The following ZNF749 variants were observed in gnomAD, a reference collection of about 807,000 sequenced individuals.
ZNF749 encodes zinc finger protein 749.
A neutral mutation model predicts 7.3 loss-of-function variants in ZNF749; 8 were observed. The ratio of observed to expected loss-of-function variants is 1.10; its 90% CI spans 0.64 to 1.98. The LOEUF (loss-of-function observed/expected upper bound fraction) is 1.98. Ranked by LOEUF, ZNF749 falls within the 30% of genes most tolerant of loss-of-function variation. ZNF749 has a pLI of 0.00. For missense variants in ZNF749, 898 were observed against 932.4 expected (o/e 0.96, Z 0.48); for synonymous variants, 310 against 322.4 (o/e 0.96, Z 0.41).
rs1349522369 is a variant in ZNF749, at chr19:57,446,308, G to A, written c.*823G>A. 6.6e-6 allele frequency among the ~76,000 whole-genome samples: 1 copy of A among 152,066 alleles called. No homozygotes were observed. The highest frequency in any genetic ancestry group is 6.5e-5 in the Admixed American group (1 of 15,270). On this transcript the variant is annotated 3_prime_UTR_variant, in exon 3 of 3. Coordinates refer to ENST00000334181, the MANE Select transcript of ZNF749 (RefSeq NM_001023561.4). ...AACTAATACCTGATGATCTGAGGTG[G>A]GACAGTTTTATTCTGAAACTGTCTG...
rs567995055 is a variant in ZNF749, at chr19:57,436,755, T to C, written c.15+1162T>C. On this transcript the variant is annotated intron_variant, in intron 1 of 2. Transcript: ENST00000334181. The surrounding 1 kb of genome is among the most constrained non-coding windows in gnomAD (Gnocchi z 4.0). ...TTATATGGCAGGCTGACCTGTTTGC[T>C]GAACGGACCAGTAACTGATTGACTG... 1.3e-5 allele frequency among the ~76,000 whole-genome samples: 2 copies of C among 152,360 alleles called. No homozygotes were observed. Among genetic ancestry groups the C allele is most frequent in the African/African-American group, 4.8e-5 (2 of 41,594 alleles).
At chr19:57,443,065 C>T (rs1031941522) in intron 2 of ZNF749, among the ~76,000 whole-genome samples, 1 of 152,156 alleles carries the variant, frequency 6.6e-6, no homozygotes, top group South Asian at 2.1e-4. Flanking sequence ...ACCTGCCCTC[C>T]CTGCATGGTA....
At chr19:57,440,852 G>A (rs564595163) in intron 1 of ZNF749, among the ~76,000 whole-genome samples, 1 of 152,216 alleles carries the variant, frequency 6.6e-6, no homozygotes, top group African/African-American at 2.4e-5. Flanking sequence ...GGCCGGCCGG[G>A]CGCAGTGGCT....
rs1568547393 is a variant in ZNF749, at chr19:57,444,385, AGC to A, written c.1239_1240del (p.Ser413ArgfsTer7). Reference sequence around the variant, plus strand: ...TGCTGGCAAAAGGCTTTATAAGTGTAGCGAATGTGGGAAAGCCTTTAGCCTCA... The same window carrying A: ...TGCTGGCAAAAGGCTTTATAAGTGTAGAATGTGGGAAAGCCTTTAGCCTCA... Reference protein sequence around the residue: ...VHAGKRLYKCSECGKAFSLKH... With the variant: ...VHAGKRLYKCXECGKAFSLKH... On this transcript the variant is annotated frameshift_variant, in exon 3 of 3. Transcript: ENST00000334181. LOFTEE classifies it low-confidence loss of function (END_TRUNC). 1.2e-6 allele frequency: 2 copies of A among 1,614,146 alleles called. No homozygotes were observed. The highest frequency in any genetic ancestry group is 1.7e-6 in the Non-Finnish European group (2 of 1,179,960).
At chr19:57,437,885 C>T (rs1222332610) in intron 1 of ZNF749, 1 of 393,386 alleles carries the variant, frequency 2.5e-6, no homozygotes, top group Non-Finnish European at 4.5e-6. Flanking sequence ...AGTGGGAACC[C>T]TTTTAATCTC....
Position 57,444,997 on chromosome 19 carries a change from T to C in ZNF749, c.1849T>C (p.Cys617Arg). ...AGAAAAGCCTTATAAATGCAGCAAA[T>C]GTGGGAAATTCTTTAGATATCGCTG... is the stretch of plus-strand genomic sequence containing the variant. ...TGEKPYKCSK[C>R]GKFFRYRCTL... The change falls in exon 3 of 3, where the codon TGT (cysteine) becomes CGT (arginine). Residue 617 changes from cysteine (C) to arginine (R), a missense_variant. Cys to Arg is a radical substitution (Grantham distance 180, BLOSUM62 -3). Coordinates refer to ENST00000334181, the MANE Select transcript of ZNF749 (RefSeq NM_001023561.4). 4 of 1,614,196 alleles carry C rather than the reference T, an allele frequency of 2.5e-6. No individual in the cohort carries two copies. Among genetic ancestry groups the C allele is most frequent in the Non-Finnish European group, 3.4e-6 (4 of 1,180,032 alleles).
rs546700168 is a variant in ZNF749, at chr19:57,444,206, G to A, written c.1058G>A (p.Arg353His). 2.8e-5 allele frequency: 45 copies of A among 1,613,904 alleles called. No homozygotes were observed. The highest frequency in any genetic ancestry group is 2.4e-4 in the South Asian group (22 of 91,078). ...CAGAAAGTTCACACTGGGGAGAGGCGTTACGAGTGCAGTGAATGTGGGAAA... is the reference window on the plus strand; with the variant it reads ...CAGAAAGTTCACACTGGGGAGAGGCATTACGAGTGCAGTGAATGTGGGAAA... ...RHQKVHTGER[R>H]YECSECGKLF... The change falls in exon 3 of 3, where the codon CGT becomes CAT. Residue 353 changes from arginine (R) to histidine (H), a missense_variant. By Grantham distance (29) the Arg-to-His change is conservative. Coordinates refer to ENST00000334181, the MANE Select transcript of ZNF749 (RefSeq NM_001023561.4).
chr19:57,443,313 T>G lies in ZNF749; in HGVS notation c.165T>G (p.Asp55Glu), dbSNP rs1222750528. The G allele has an allele frequency of 1.9e-6, 3 of 1,607,794 alleles. No homozygotes were observed. Among genetic ancestry groups the G allele is most frequent in the Non-Finnish European group, 2.6e-6 (3 of 1,175,990 alleles). ...SSVGCWHGAKDEEVPSKQCVS... is the reference protein window; with the variant it reads ...SSVGCWHGAKEEEVPSKQCVS... ...CAGGTTGTTGGCATGGAGCCAAGGA[T>G]GAGGAGGTACCTTCCAAGCAGTGTG... The change falls in exon 3 of 3, where the codon GAT (aspartate) becomes GAG (glutamate). Residue 55 changes from aspartate (D) to glutamate (E), a missense_variant. Physicochemically the swap from Asp to Glu is conservative, Grantham distance 45. Transcript: ENST00000334181.
rs758799359 is a variant in ZNF749, at chr19:57,444,356, T to C, written c.1208T>C (p.Val403Ala). ...TCCACACTCAATATGCACCAGAGAG[T>C]TCATGCTGGCAAAAGGCTTTATAAG... Reference protein sequence around the residue: ...HRSTLNMHQRVHAGKRLYKCS... With the variant: ...HRSTLNMHQRAHAGKRLYKCS... The change falls in exon 3 of 3, where the codon GTT becomes GCT. Residue 403 changes from valine (V) to alanine (A), a missense_variant. Coordinates refer to ENST00000334181, the MANE Select transcript of ZNF749 (RefSeq NM_001023561.4). 14 of 1,614,046 alleles carry C rather than the reference T, an allele frequency of 8.7e-6. No individual in the cohort carries two copies. The South Asian group carries it at 1.4e-4, about 16-fold the overall frequency.
the ZNF749 span, among the ~76,000 whole-genome samples, chr19:57,429,025 C>CTT: frequency 3.3e-5 from 5 of 151,486 alleles, no homozygotes; most frequent in Non-Finnish European, 7.4e-5. The surrounding 1 kb of genome is among the most constrained non-coding windows in gnomAD (Gnocchi z 4.2). Context: ...TCAATGAATA[C>CTT]TTTTTTTTGT....
At chr19:57,438,176 A>G (rs1423051563) in intron 1 of ZNF749, 2 of 398,636 alleles carry the variant, frequency 5.0e-6, no homozygotes, top group Non-Finnish European at 8.8e-6. Context: ...ACTGTTTCTC[A>G]TGAAAGCAGG....
rs61747534 is a variant in ZNF749, at chr19:57,443,440, C to T, written c.292C>T (p.His98Tyr). 3.9e-4 allele frequency: 637 copies of T among 1,614,242 alleles called. 4 individuals are homozygous for T. The African/African-American group carries it at 7.2e-3, about 18-fold the overall frequency. The change falls in exon 3 of 3, where the codon CAC (histidine) becomes TAC (tyrosine). Residue 98 changes from histidine (H) to tyrosine (Y), a missense_variant. Transcript: ENST00000334181. ...MCSSILKDILHLAEHDGTHPE... is the reference protein window; with the variant it reads ...MCSSILKDILYLAEHDGTHPE... ...TAGCTCAATTCTGAAGGACATTCTG[C>T]ACCTGGCTGAGCACGATGGAACACA... is the stretch of plus-strand genomic sequence containing the variant.
chr19:57,444,591 G>C lies in ZNF749; in HGVS notation c.1443G>C (p.Arg481Ser). Residue 481 changes from arginine to serine, a missense_variant, in exon 3 of 3, where the codon AGG becomes AGC. Physicochemically the swap from Arg to Ser is moderately radical, Grantham distance 110. Coordinates refer to ENST00000334181, the MANE Select transcript of ZNF749 (RefSeq NM_001023561.4). ...IQHKRIDIRP[R>S]PYTCSECGKA... ...ACAAGAGGATTGACATTAGGCCAAG[G>C]CCTTATACATGCAGTGAATGTGGGA... The C allele has an allele frequency of 6.2e-7, 1 of 1,613,438 alleles. No individual in the cohort carries two copies. The highest frequency in any genetic ancestry group is 8.5e-7 in the Non-Finnish European group (1 of 1,179,840).
upstream of ZNF749, chr19:57,435,300 A>G (rs2088922554): frequency 3.4e-6 from 2 of 582,094 alleles, no homozygotes; most frequent in African/African-American, 1.9e-5. Flanking sequence ...GAGACGACTA[A>G]TGAGGTCTCA....
chr19:57,433,344 T>C (rs895124419), upstream of ZNF749, among the ~76,000 whole-genome samples: 9 of 152,170 alleles, frequency 5.9e-5, no homozygotes, highest in African/African-American at 1.9e-4. Flanking sequence ...CTAGACATAG[T>C]ATTCTGACTT....
intron 1 of ZNF749, among the ~76,000 whole-genome samples, chr19:57,437,668 G>A (rs993240442): frequency 6.7e-6 from 1 of 150,002 alleles, no homozygotes; most frequent in Admixed American, 6.7e-5. Context: ...AGGTTCCAGT[G>A]AGCTGAGATT....
Position 57,444,735 on chromosome 19 carries a change from T to C in ZNF749, c.1587T>C (p.His529=), listed in dbSNP as rs1342765915. The C allele has an allele frequency of 2.5e-6, 4 of 1,608,444 alleles. No homozygotes were observed. The highest frequency in any genetic ancestry group is 1.4e-5 in the African/African-American group (1 of 72,914). The stretch of plus-strand genomic sequence containing the variant: ...TTAGAAAGTCCCACCTAGTTCAGCA[T>C]GAGAAAATCCACACTGATGCATTTT... ...AFVRKSHLVQ[H]EKIHTDAFSK... is the part of the protein sequence containing the mutation. Residue 529 remains histidine, a synonymous_variant, in exon 3 of 3, where the codon CAT becomes CAC. Transcript: ENST00000334181.
In ZNF749 at chr19:57,442,076, C is replaced by T. The variant is rs553337032; in HGVS notation, c.142+65C>T. 3 of 1,582,738 alleles carry T rather than the reference C, an allele frequency of 1.9e-6. No homozygotes were observed. Among genetic ancestry groups the T allele is most frequent in the African/African-American group, 2.7e-5 (2 of 73,784 alleles). Reference sequence around the variant, plus strand: ...GCTGTTTTTTTGCTCTTTTCCATGACAACTCTGTCTTTCCCACACCAGATT... The same window carrying T: ...GCTGTTTTTTTGCTCTTTTCCATGATAACTCTGTCTTTCCCACACCAGATT... On this transcript the variant is annotated intron_variant, in intron 2 of 2. Transcript: ENST00000334181. This position sits in a 1 kb window ranked among gnomAD's most constrained non-coding sequence, Gnocchi z 6.6.
In ZNF749 at chr19:57,442,235, G is replaced by T. The variant is rs2088998556; in HGVS notation, c.142+224G>T. On this transcript the variant is annotated intron_variant, in intron 2 of 2. Coordinates refer to ENST00000334181, the MANE Select transcript of ZNF749 (RefSeq NM_001023561.4). The surrounding 1 kb of genome is among the most constrained non-coding windows in gnomAD (Gnocchi z 6.6). ...TTGCTCTGAAACTTTACAAGATAAG[G>T]CTCGGAAGTCAGAAATCTTCAGGTT... Among the ~76,000 whole-genome samples, 1 of 152,152 alleles carries T rather than the reference G, an allele frequency of 6.6e-6. No individual in the cohort carries two copies. Among genetic ancestry groups the T allele is most frequent in the Non-Finnish European group, 1.5e-5 (1 of 68,024 alleles).
Sources: gnomAD v4.1 joint callset for allele counts (sites outside exome capture counted in the v4.1 genomes callset) on GRCh38, gnomAD v4.1.1 for gene constraint, Gnocchi (gnomAD v3.1) non-coding constraint, MANE v1.5 for transcripts, NCBI Gene and HGNC (gene_info 2026-07-23, HGNC 2026-07-21) for gene names.